The following TNK2 variants were observed in gnomAD, a reference collection of about 807,000 sequenced individuals.
The protein encoded by TNK2 is tyrosine kinase non receptor 2.
A neutral mutation model predicts 101.8 loss-of-function variants in TNK2; 83 were observed. That is an observed-to-expected ratio of 0.82 (90% CI 0.68 to 0.98). The LOEUF (loss-of-function observed/expected upper bound fraction) is 0.98. TNK2 is among the 50% of genes least tolerant of loss of function. TNK2 has a pLI of 0.00. For synonymous variants in TNK2, 804 were observed against 633.0 expected (o/e 1.27, Z -4.06); for missense variants, 1,665 against 1,483.2 (o/e 1.12, Z -2.01).
At chr3:195,879,420 G>C (rs1751189726) in intron 6 of TNK2, 1 of 436,666 alleles carries the variant, frequency 2.3e-6, no homozygotes, top group Admixed American at 3.8e-5. Context: ...AGGAAAGGAA[G>C]TTTCCCAGCC....
chr3:195,870,490 C>G lies in TNK2; in HGVS notation c.1452-285G>C, dbSNP rs1176128211. 5 of 1,050,028 alleles carry G rather than the reference C, an allele frequency of 4.8e-6. No individual in the cohort carries two copies. In the Admixed American group the frequency reaches 1.1e-4, roughly 22 times the overall value. The allele number at this position is 1,050,028 out of a possible 1,614,324, so 65.0% of individuals were successfully genotyped here. A position where few individuals can be genotyped will look rare whatever the true frequency, so the allele number is the denominator to read the frequency against. On this transcript the variant is annotated intron_variant, in intron 10 of 15. Transcript: ENST00000672887. ...AGGTGGTCCTCCACAACCCCCCAGG[C>G]CCCCAGCCCACACCAGGCAGCGGCC... is the stretch of plus-strand genomic sequence containing the variant.
intron 1 of TNK2, chr3:195,892,768 C>CGGCTTCCCCA (rs1433083873): frequency 4.1e-6 from 5 of 1,231,734 alleles, no homozygotes; most frequent in Non-Finnish European, 5.1e-6. Context: ...CCCTACTCCC[C>CGGCTTCCCCA]GGCTTCCCCA....
intron 1 of TNK2, chr3:195,896,815 C>T (rs1760604993): frequency 6.6e-6 from 1 of 152,284 alleles, no homozygotes; most frequent in Admixed American, 6.5e-5. Flanking sequence ...TATCTCCACT[C>T]TGCAGAGCTA....
At chr3:195,895,166 G>A in intron 1 of TNK2, 4 of 1,353,534 alleles carry the variant, frequency 3.0e-6, no homozygotes, top group Non-Finnish European at 3.9e-6. Flanking sequence ...CGCCGCAGGG[G>A]GCAGGGCTGA....
intron 6 of TNK2, among the ~76,000 whole-genome samples, chr3:195,879,675 C>G (rs1037963633): frequency 2.6e-5 from 4 of 152,086 alleles, no homozygotes; most frequent in Non-Finnish European, 4.4e-5. Context: ...CTGGGCACCC[C>G]CGGTTGAGGG....
chr3:195,868,069 AGAGGGGGCCGGGG>A lies in TNK2; in HGVS notation c.2216_2228del (p.Ser739PhefsTer105). On this transcript the variant is annotated frameshift_variant, in exon 13 of 16. Coordinates refer to ENST00000672887, the MANE Select transcript of TNK2 (RefSeq NM_001382273.1). LOFTEE classifies it high-confidence loss of function. ...GCTTGTCGTCACCCCCCGGGCTGGGAGAGGGGGCCGGGGAGCCGGCCGGAGCCTGCAGTTGCCT... is the reference window on the plus strand; with the variant it reads ...GCTTGTCGTCACCCCCCGGGCTGGGAAGCCGGCCGGAGCCTGCAGTTGCCT... 1 of 1,606,680 alleles carries A rather than the reference AGAGGGGGCCGGGG, an allele frequency of 6.2e-7. No individual in the cohort carries two copies. Among genetic ancestry groups the A allele is most frequent in the Non-Finnish European group, 8.5e-7 (1 of 1,178,126 alleles).
At chr3:195,873,988 G>C (rs943948539) in intron 9 of TNK2, among the ~76,000 whole-genome samples, 1 of 152,134 alleles carries the variant, frequency 6.6e-6, no homozygotes, top group Non-Finnish European at 1.5e-5. Flanking sequence ...GACGAGACGA[G>C]TCCCATCTGA....
Position 195,888,568 on chromosome 3 carries a change from T to C in TNK2, c.21A>G (p.Thr7=), listed in dbSNP as rs1005855406. 1.2e-6 allele frequency: 2 copies of C among 1,611,974 alleles called. No homozygotes were observed. Among genetic ancestry groups the C allele is most frequent in the Admixed American group, 1.7e-5 (1 of 59,982 alleles). The stretch of plus-strand genomic sequence containing the variant: ...CGGACAGCAGCTCCAGCAGCCAGCC[T>C]GTGCCCTCCTCTGGCTGCATTCTGC... MQPEEG[T]GWLLELLSEV... Residue 7 remains threonine (T), a synonymous_variant, in exon 2 of 16, where the codon ACA becomes ACG. Coordinates refer to ENST00000672887, the MANE Select transcript of TNK2 (RefSeq NM_001382273.1). The surrounding 1 kb of genome is among the most constrained non-coding windows in gnomAD (Gnocchi z 5.3).
At chr3:195,876,725 G>T (rs1413805512) in intron 9 of TNK2, 1 of 442,484 alleles carries the variant, frequency 2.3e-6, no homozygotes, top group Non-Finnish European at 4.5e-6. Context: ...GGAACCAGCG[G>T]CTGGGGCCAA....
rs549539198 is a variant in TNK2 at position 195,874,385 on chromosome 3, G to A, written c.1257-1915C>T. Reference sequence around the variant, plus strand: ...CACCTCCCTTAGTGCAGGTATGGCCGAGGCAAGAGCCCCCATGGCTGCTGG... The same window carrying A: ...CACCTCCCTTAGTGCAGGTATGGCCAAGGCAAGAGCCCCCATGGCTGCTGG... On this transcript the variant is annotated intron_variant, in intron 9 of 15. Coordinates refer to ENST00000672887, the MANE Select transcript of TNK2 (RefSeq NM_001382273.1). Among the ~76,000 whole-genome samples the A allele has an allele frequency of 6.6e-5, 10 of 152,348 alleles. No homozygotes were observed. The East Asian group carries it at 1.5e-3, about 24-fold the overall frequency.
In TNK2 at chr3:195,884,907, T is replaced by C. The variant is rs1039593880; in HGVS notation, c.361A>G (p.Ile121Val). The C allele has an allele frequency of 5.0e-6, 8 of 1,613,912 alleles. No individual in the cohort carries two copies. The Admixed American group carries it at 1.2e-4, about 24-fold the overall frequency. ...EGPLQSLTCL[I>V]GEKDLRLLEK... is the part of the protein sequence containing the mutation. ...AGGAGGCGCAGGTCCTTCTCCCCAATGAGGCAGGTGAGGCTCTGCAGGGGC... is the reference window on the plus strand; with the variant it reads ...AGGAGGCGCAGGTCCTTCTCCCCAACGAGGCAGGTGAGGCTCTGCAGGGGC... Residue 121 changes from isoleucine to valine, a missense_variant, in exon 4 of 16, where the codon ATT becomes GTT. Ile to Val is a conservative substitution (Grantham distance 29, BLOSUM62 3). This residue lies in a region of TNK2 where 490 missense variants were observed against 522.5 expected (regional missense o/e 0.94). Coordinates refer to ENST00000672887, the MANE Select transcript of TNK2 (RefSeq NM_001382273.1).
chr3:195,900,510 C>G (rs1003800687), intron 1 of TNK2, among the ~76,000 whole-genome samples: 6 of 152,176 alleles, frequency 3.9e-5, no homozygotes, highest in Non-Finnish European at 8.8e-5. Context: ...TACTGTGAAA[C>G]CGTTTCATGC....
At chr3:195,883,597 G>C in intron 4 of TNK2, 1 of 351,198 alleles carries the variant, frequency 2.8e-6, no homozygotes, top group Non-Finnish European at 5.4e-6. Flanking sequence ...TATGATGAGA[G>C]AATATTCAAA....
At chr3:195,898,030 G>C (rs1407080151) in intron 1 of TNK2, among the ~76,000 whole-genome samples, 1 of 151,848 alleles carries the variant, frequency 6.6e-6, no homozygotes, top group Non-Finnish European at 1.5e-5. Context: ...AGCTCCACCA[G>C]GAGGCTGCAC....
At chr3:195,890,640 T>C (rs1194330028) in intron 1 of TNK2, among the ~76,000 whole-genome samples, 14 of 152,110 alleles carry the variant, frequency 9.2e-5, no homozygotes, top group East Asian at 3.9e-4. Context: ...GGTTCCTCCA[T>C]GTTGGCCAGG....
chr3:195,886,872 G>A lies in TNK2; in HGVS notation c.234+105C>T, dbSNP rs946357615. 1.9e-5 allele frequency: 25 copies of A among 1,291,618 alleles called. No individual in the cohort carries two copies. Among genetic ancestry groups the A allele is most frequent in the South Asian group, 2.4e-5 (2 of 84,066 alleles). The allele number at this position is 1,291,618 out of a possible 1,614,324, so 80.0% of individuals were successfully genotyped here. ...CTGTACAAAGTGCCGGCAGAACGGC[G>A]AGATTCGACCTGCCGGGGAGCTGGG... On this transcript the variant is annotated intron_variant, in intron 3 of 15. Coordinates refer to ENST00000672887, the MANE Select transcript of TNK2 (RefSeq NM_001382273.1). This position sits in a 1 kb window ranked among gnomAD's most constrained non-coding sequence, Gnocchi z 4.2.
chr3:195,871,213 C>T (rs1745083824), intron 10 of TNK2, among the ~76,000 whole-genome samples: 1 of 152,066 alleles, frequency 6.6e-6, no homozygotes, highest in Non-Finnish European at 1.5e-5. Flanking sequence ...TGGGGGGTGG[C>T]ATCCCGGAAG....
chr3:195,868,051 G>A lies in TNK2; in HGVS notation c.2247C>T (p.Asp749=), dbSNP rs761901506. The A allele has an allele frequency of 1.6e-5, 25 of 1,598,744 alleles. No homozygotes were observed. The highest frequency in any genetic ancestry group is 2.3e-5 in the East Asian group (1 of 44,408). The stretch of plus-strand genomic sequence containing the variant: ...CCCGAGGAGGCACCTGGGGCTTGTC[G>A]TCACCCCCCGGGCTGGGAGAGGGGG... ...SPAPSPSPGG[D]DKPQVPPRVP... Residue 749 remains aspartate (D), a synonymous_variant, in exon 13 of 16, where the codon GAC becomes GAT. Coordinates refer to ENST00000672887, the MANE Select transcript of TNK2 (RefSeq NM_001382273.1).
chr3:195,901,083 C>G (rs1233191900), intron 1 of TNK2, among the ~76,000 whole-genome samples: 4 of 152,352 alleles, frequency 2.6e-5, no homozygotes, highest in African/African-American at 7.2e-5. Context: ...GAACATGTCA[C>G]CTAGAGCAGG....
Sources: gnomAD v4.1 joint callset for allele counts (sites outside exome capture counted in the v4.1 genomes callset) on GRCh38, gnomAD v4.1.1 for gene constraint, gnomAD v4.1.1 regional missense constraint, Gnocchi (gnomAD v3.1) non-coding constraint, MANE v1.5 for transcripts, NCBI Gene and HGNC (gene_info 2026-07-23, HGNC 2026-07-21) for gene names.